Variants in TFPI observed in about 807,000 individuals in gnomAD.
The protein encoded by TFPI is tissue factor pathway inhibitor, also known as anti-convertin.
A neutral mutation model predicts 34.6 loss-of-function variants in TFPI; 15 were observed. The ratio of observed to expected loss-of-function variants is 0.43; its 90% confidence interval spans 0.29 to 0.67. The LOEUF is 0.67. Among genes scored for constraint, TFPI ranks in the 30% least tolerant of loss-of-function variants. The pLI is 0.15. For synonymous variants in TFPI, 105 were observed against 120.1 expected, an observed-to-expected ratio of 0.87 and a Z score of 0.82; for missense variants, 301 against 364.0, an observed-to-expected ratio of 0.83 and a Z score of 1.41.
intron 1 of TFPI, among the ~76,000 whole-genome samples, chr2:187,531,477 T>C (rs961104263): frequency 1.3e-5 from 2 of 152,094 alleles, no homozygotes; most frequent in Non-Finnish European, 2.9e-5. Flanking sequence ...AACAGAAAAA[T>C]ATTCACAGAA....
intron 1 of TFPI, among the ~76,000 whole-genome samples, chr2:187,539,816 T>C (rs1003788833): frequency 6.6e-6 from 1 of 152,124 alleles, no homozygotes; most frequent in African/African-American, 2.4e-5. Flanking sequence ...TCAAACTGAA[T>C]AAACATGTTT....
At chr2:187,470,611 T>G (rs752507873) in intron 6 of TFPI, among the ~76,000 whole-genome samples, 3 of 152,180 alleles carry the variant, frequency 2.0e-5, no homozygotes, top group Non-Finnish European at 4.4e-5. Context: ...AGTCTTCCTT[T>G]GACTATCCAG....
chr2:187,501,299 TC>T (rs1322430447), intron 2 of TFPI, among the ~76,000 whole-genome samples: 1 of 109,488 alleles, frequency 9.1e-6, no homozygotes, highest in Non-Finnish European at 1.9e-5. Context: ...TCCCCTTCCC[TC>T]CCCCCGCCCC....
intron 1 of TFPI, 128 bp from the exon 2 acceptor site, chr2:187,503,898 T>A: frequency 3.2e-6 from 3 of 940,580 alleles, no homozygotes; most frequent in Non-Finnish European, 4.7e-6. Flanking sequence ...TACACATACA[T>A]TTCTCTGTGC....
At chr2:187,500,150 A>G (rs1317337677) in intron 2 of TFPI, among the ~76,000 whole-genome samples, 1 of 152,150 alleles carries the variant, frequency 6.6e-6, no homozygotes, top group Non-Finnish European at 1.5e-5. Flanking sequence ...GCAGTGCACC[A>G]CAAAGGCAAA....
rs556788612 is a variant in TFPI, at chr2:187,482,735, A to T, written c.628+1389T>A. The stretch of plus-strand genomic sequence containing the variant: ...AAACATATTATAGAAAGGCATTTAT[A>T]CTTTAGTTCTCACACATTAATCCTC... On this transcript the variant is annotated intron_variant, in intron 6 of 7. Transcript: ENST00000233156. Among the ~76,000 whole-genome samples, 3 of 151,954 alleles carry T rather than the reference A, an allele frequency of 2.0e-5. No individual in the cohort carries two copies. In the South Asian group the frequency reaches 6.2e-4, roughly 32 times the overall value.
chr2:187,484,350 A>T, intron 5 of TFPI, 134 bp from the exon 6 acceptor site: 2 of 657,354 alleles, frequency 3.0e-6, no homozygotes, highest in Non-Finnish European at 5.2e-6. Context: ...ATTAGCAAAC[A>T]GTGAATCTTT....
intron 1 of TFPI, among the ~76,000 whole-genome samples, chr2:187,546,284 T>G (rs1169893142): frequency 1.1e-4 from 5 of 45,900 alleles, no homozygotes; most frequent in Non-Finnish European, 2.9e-4. Flanking sequence ...ATTTGTAAGT[T>G]TTTTTTTTTT....
intron 2 of TFPI, among the ~76,000 whole-genome samples, chr2:187,502,022 T>C (rs1341425957): frequency 6.6e-6 from 1 of 152,172 alleles, no homozygotes; most frequent in East Asian, 1.9e-4. Flanking sequence ...ATGTGATAAA[T>C]TGTATCTCCT....
intron 5 of TFPI, chr2:187,484,491 G>GT (rs1049849377): frequency 2.1e-4 from 102 of 490,390 alleles, no homozygotes; most frequent in African/African-American, 1.8e-3. Flanking sequence ...TTAGGTGGTG[G>GT]TTTTCAGTAA....
At chr2:187,525,664 C>A (rs1467637292) in intron 1 of TFPI, among the ~76,000 whole-genome samples, 1 of 152,034 alleles carries the variant, frequency 6.6e-6, no homozygotes, top group Admixed American at 6.6e-5. Flanking sequence ...TAAATGATGT[C>A]ATTGTTGTTG....
At chr2:187,551,870 T>C (rs923040451) in intron 1 of TFPI, among the ~76,000 whole-genome samples, 3 of 152,158 alleles carry the variant, frequency 2.0e-5, no homozygotes, top group African/African-American at 4.8e-5. Flanking sequence ...ATTTAATTCC[T>C]AAAATGAGTT....
intron 1 of TFPI, among the ~76,000 whole-genome samples, chr2:187,528,508 T>C (rs1687794024): frequency 6.6e-6 from 1 of 152,190 alleles, no homozygotes; most frequent in African/African-American, 2.4e-5. Flanking sequence ...TTATGGTCAA[T>C]TCAAATTATC....
At chr2:187,534,045 G>A (rs1688114804) in intron 1 of TFPI, among the ~76,000 whole-genome samples, 1 of 152,022 alleles carries the variant, frequency 6.6e-6, no homozygotes, top group Non-Finnish European at 1.5e-5. Context: ...AATGAAGAAA[G>A]CCTCCAAGAA....
intron 6 of TFPI, among the ~76,000 whole-genome samples, chr2:187,483,631 G>T (rs1206633204): frequency 1.3e-5 from 2 of 151,930 alleles, no homozygotes; most frequent in African/African-American, 2.4e-5. Flanking sequence ...GAGTCCTGCA[G>T]AATTCAAAAG....
At chr2:187,475,118 A>G (rs1047287024) in intron 6 of TFPI, among the ~76,000 whole-genome samples, 2 of 152,122 alleles carry the variant, frequency 1.3e-5, no homozygotes, top group African/African-American at 4.8e-5. Flanking sequence ...ATAAAGGACA[A>G]ACTTACACTT....
At chr2:187,478,737 G>C in intron 6 of TFPI, 3 of 1,613,724 alleles carry the variant, frequency 1.9e-6, no homozygotes, top group Non-Finnish European at 2.5e-6. Flanking sequence ...AATGCAGAAG[G>C]CGTTCAGAAA....
chr2:187,508,929 A>C (rs915173517), intron 1 of TFPI, among the ~76,000 whole-genome samples: 8 of 152,024 alleles, frequency 5.3e-5, no homozygotes, highest in Non-Finnish European at 7.4e-5. Flanking sequence ...ATTGGCTGTG[A>C]GTTTGTCATA....
chr2:187,518,441 T>C (rs1161840353), intron 1 of TFPI: 1 of 152,250 alleles, frequency 6.6e-6, no homozygotes, highest in East Asian at 1.9e-4. Context: ...TGAAAATTCT[T>C]TTCTTTAAGA....
Sources: allele counts gnomAD v4.1 joint callset (sites outside exome capture counted in the v4.1 genomes callset), GRCh38; gene constraint gnomAD v4.1.1; transcripts MANE v1.5; gene names NCBI Gene and HGNC (gene_info 2026-07-23, HGNC 2026-07-21).